Variants in TSHZ3 observed in about 807,000 individuals in gnomAD.
The protein encoded by TSHZ3 is teashirt zinc finger homeobox 3, also known as teashirt homolog 3.
In TSHZ3, 10 loss-of-function variants were observed where a neutral mutation model predicts 64.5. The ratio of observed to expected loss-of-function variants is 0.16; its 90% CI spans 0.10 to 0.26. The LOEUF is 0.26. Ranked by LOEUF, TSHZ3 falls within the 10% of genes least tolerant of loss-of-function variation. The pLI is 1.00. For synonymous variants in TSHZ3, 608 were observed against 593.1 expected, an observed-to-expected ratio of 1.03 and a Z score of -0.36; for missense variants, 1,242 against 1,421.7, an observed-to-expected ratio of 0.87 and a Z score of 2.03.
Position 31,335,372 on chromosome 19 carries a change from T to C in TSHZ3, c.40+13808A>G, listed in dbSNP as rs114884202. Among the ~76,000 whole-genome samples, 422 of 152,266 alleles carry C rather than the reference T, an allele frequency of 2.8e-3. 4 individuals are homozygous for C. The highest frequency in any genetic ancestry group is 9.1e-3 in the African/African-American group (379 of 41,558). On this transcript the variant is annotated intron_variant, in intron 1 of 1. Transcript: ENST00000240587. Reference sequence around the variant, plus strand: ...CACGGCCCACTTCCAAATGGCCAGGTCTCACGGAAGACAGGAGGGCCTCCT... The same window carrying C: ...CACGGCCCACTTCCAAATGGCCAGGCCTCACGGAAGACAGGAGGGCCTCCT...
At chr19:31,295,553 T>G (rs1385831654) in intron 1 of TSHZ3, among the ~76,000 whole-genome samples, 2 of 152,148 alleles carry the variant, frequency 1.3e-5, no homozygotes, top group Non-Finnish European at 2.9e-5. Flanking sequence ...TATGTAAATT[T>G]CAAAATCAGG....
At chr19:31,156,674 G>A (rs1467591806) in intron 5 of TSHZ3, among the ~76,000 whole-genome samples, 1 of 151,950 alleles carries the variant, frequency 6.6e-6, no homozygotes, top group Non-Finnish European at 1.5e-5. Flanking sequence ...TCATTCCCAG[G>A]GTCATCAGTA....
chr19:31,304,121 C>T (rs946617877), intron 1 of TSHZ3, among the ~76,000 whole-genome samples: 6 of 152,030 alleles, frequency 3.9e-5, no homozygotes, highest in South Asian at 2.1e-4. Context: ...ATTACAGGCG[C>T]GCACCACCAC....
At chr19:31,193,548 C>T (rs559227571) in intron 5 of TSHZ3, among the ~76,000 whole-genome samples, 76 of 152,262 alleles carry the variant, frequency 5.0e-4, no homozygotes, top group Non-Finnish European at 7.6e-4. Context: ...ACCTGTGTCG[C>T]GATCCTGCAT....
chr19:31,216,129 T>A (rs1306630448), intron 4 of TSHZ3, among the ~76,000 whole-genome samples: 1 of 152,086 alleles, frequency 6.6e-6, no homozygotes, highest in African/African-American at 2.4e-5. Context: ...ACATCAATGG[T>A]ATAAGTGTAT....
chr19:31,178,538 G>T (rs1974648860), intron 5 of TSHZ3, among the ~76,000 whole-genome samples: 1 of 152,176 alleles, frequency 6.6e-6, no homozygotes, highest in Non-Finnish European at 1.5e-5. Flanking sequence ...AAGTAGCCGG[G>T]CGTGGTGGCA....
chr19:31,295,024 T>G (rs1976639493), intron 1 of TSHZ3, among the ~76,000 whole-genome samples: 1 of 152,120 alleles, frequency 6.6e-6, no homozygotes, highest in Admixed American at 6.5e-5. Context: ...ACATAGCCCC[T>G]CAACAATAAC....
chr19:31,227,199 C>T (rs1975479142), intron 4 of TSHZ3, among the ~76,000 whole-genome samples: 2 of 151,666 alleles, frequency 1.3e-5, no homozygotes, highest in Non-Finnish European at 2.9e-5. Flanking sequence ...AGGCTGGTCT[C>T]GAACCCCTGA....
rs140972893 is a variant in TSHZ3, at chr19:31,166,682, G to A, written n.810-10265C>T. Among the ~76,000 whole-genome samples, 687 of 152,236 alleles carry A rather than the reference G, an allele frequency of 4.5e-3. 7 individuals carry two copies. The highest frequency in any genetic ancestry group is 0.016 in the African/African-American group (646 of 41,536). ...GCCTGTCTAGGGCAGTCAAGATGCC[G>A]GTGCTGGGATGAAATGTCCATCTTC... On this transcript the variant is annotated intron_variant and non_coding_transcript_variant, in intron 5 of 6. Coordinates refer to the TSHZ3 transcript ENST00000651361.
intron 6 of TSHZ3, among the ~76,000 whole-genome samples, chr19:31,152,877 C>T (rs1220854595): frequency 1.3e-5 from 2 of 152,142 alleles, no homozygotes; most frequent in African/African-American, 2.4e-5. Context: ...CTCAAAGTCC[C>T]AATGGACCCA....
chr19:31,317,386 G>C (rs1916632296), intron 1 of TSHZ3, among the ~76,000 whole-genome samples: 1 of 152,218 alleles, frequency 6.6e-6, no homozygotes, highest in Non-Finnish European at 1.5e-5. Flanking sequence ...GCAGGCTCTT[G>C]ATGGGGCAAG....
chr19:31,217,752 C>T (rs1455373053), intron 4 of TSHZ3, among the ~76,000 whole-genome samples: 3 of 152,186 alleles, frequency 2.0e-5, no homozygotes, highest in Admixed American at 6.5e-5. Flanking sequence ...ACCTACAAAG[C>T]AGTGTATAGA....
intron 4 of TSHZ3, among the ~76,000 whole-genome samples, chr19:31,225,327 G>C (rs1158163601): frequency 6.6e-5 from 10 of 152,128 alleles, no homozygotes; most frequent in Admixed American, 6.5e-4. Context: ...AGCCTAGGGG[G>C]ATAAGCTGAA....
intron 5 of TSHZ3, among the ~76,000 whole-genome samples, chr19:31,173,876 C>T (rs185780205): frequency 4.6e-5 from 7 of 152,258 alleles, no homozygotes; most frequent in Admixed American, 4.6e-4. Flanking sequence ...TCGAGACCAG[C>T]TTTGCCAACA....
intron 3 of TSHZ3, among the ~76,000 whole-genome samples, chr19:31,235,632 CTCTTTCTTTCT>C (rs1480671425): frequency 8.3e-6 from 1 of 120,274 alleles, no homozygotes; most frequent in African/African-American, 3.4e-5. Flanking sequence ...TCTTTCTTTC[CTCTTTCTTTCT>C]TTCTTTCTAT....
intron 5 of TSHZ3, among the ~76,000 whole-genome samples, chr19:31,158,834 T>C (rs1243072428): frequency 6.6e-6 from 1 of 152,038 alleles, no homozygotes; most frequent in East Asian, 1.9e-4. Flanking sequence ...CAGTTCACAA[T>C]AGGGGTGGTG....
At chr19:31,156,816 C>T (rs928302981) in intron 5 of TSHZ3, among the ~76,000 whole-genome samples, 4 of 152,106 alleles carry the variant, frequency 2.6e-5, no homozygotes, top group African/African-American at 4.8e-5. Flanking sequence ...CACAGGCAGC[C>T]GATCCTGGTC....
At chr19:31,348,302 G>C (rs565033907) in intron 1 of TSHZ3, among the ~76,000 whole-genome samples, 11 of 152,186 alleles carry the variant, frequency 7.2e-5, no homozygotes, top group South Asian at 2.1e-4. Context: ...GGATGGCAAC[G>C]GGCCAGAAAC....
At chr19:31,343,428 A>T (rs1917492423) in intron 1 of TSHZ3, among the ~76,000 whole-genome samples, 1 of 152,144 alleles carries the variant, frequency 6.6e-6, no homozygotes, top group African/African-American at 2.4e-5. Context: ...AATTGAAAGT[A>T]ATTAAACCCA....
Sources: gnomAD v4.1 joint callset for allele counts (sites outside exome capture counted in the v4.1 genomes callset) on GRCh38, gnomAD v4.1.1 for gene constraint, MANE v1.5 for transcripts, NCBI Gene and HGNC (gene_info 2026-07-23, HGNC 2026-07-21) for gene names.